The following CLEC16A variants were observed in gnomAD, a reference collection of about 807,000 sequenced individuals.
CLEC16A encodes the protein protein CLEC16A.
A neutral mutation model predicts 109.5 loss-of-function variants in CLEC16A; 51 were observed. That is an observed-to-expected ratio of 0.47 (90% CI 0.37 to 0.59). The LOEUF (loss-of-function observed/expected upper bound fraction) is 0.59. CLEC16A is among the 20% of genes least tolerant of loss of function. The pLI, the probability that CLEC16A is intolerant of heterozygous loss-of-function variation, is 0.00. For missense variants in CLEC16A, 1,339 were observed against 1,394.0 expected (o/e 0.96, Z 0.63); for synonymous variants, 673 against 564.2 (o/e 1.19, Z -2.73).
At chr16:11,158,358 T>C (rs2054607232) in intron 22 of CLEC16A, among the ~76,000 whole-genome samples, 1 of 152,230 alleles carries the variant, frequency 6.6e-6, no homozygotes, top group Non-Finnish European at 1.5e-5. Context: ...CACGGGTTGC[T>C]TCTCCCGAAT....
At chr16:11,069,461 G>C (rs915683854) in intron 19 of CLEC16A, among the ~76,000 whole-genome samples, 2 of 151,378 alleles carry the variant, frequency 1.3e-5, no homozygotes, top group Non-Finnish European at 2.9e-5. Flanking sequence ...TTTATACAAG[G>C]TCTCGCTCTG....
chr16:11,098,391 C>T (rs1210759381), intron 19 of CLEC16A, among the ~76,000 whole-genome samples: 1 of 152,238 alleles, frequency 6.6e-6, no homozygotes, highest in Non-Finnish European at 1.5e-5. Flanking sequence ...TTCTAAACTG[C>T]TACCAGGTAT....
At chr16:10,983,928 A>G (rs968364027) in intron 10 of CLEC16A, among the ~76,000 whole-genome samples, 2 of 148,050 alleles carry the variant, frequency 1.4e-5, no homozygotes, top group Non-Finnish European at 1.5e-5. Flanking sequence ...GGCTGCACAA[A>G]TGCTCATCTC....
chr16:11,020,239 C>T lies in CLEC16A; in HGVS notation c.1350C>T (p.Ala450=), dbSNP rs201881116. The change falls in exon 12 of 24, where the codon GCC becomes GCT. Residue 450 remains alanine (A), a synonymous_variant. Transcript: ENST00000409790. The part of the protein sequence containing the change: ...IMERSKLSEL[A]ASTSVQEQNT... The stretch of plus-strand genomic sequence containing the variant: ...AGCGTAGCAAGCTCTCAGAGCTGGC[C>T]GCCAGCACCTCCGTGCAGGAGCAGA... 1.9e-5 allele frequency: 31 copies of T among 1,613,624 alleles called. No homozygotes were observed. Among genetic ancestry groups the T allele is most frequent in the Admixed American group, 1.5e-4 (9 of 59,972 alleles).
At chr16:11,107,695 G>A (rs2051306435) in intron 19 of CLEC16A, among the ~76,000 whole-genome samples, 1 of 152,216 alleles carries the variant, frequency 6.6e-6, no homozygotes, top group African/African-American at 2.4e-5. Context: ...CCAGGGCCCA[G>A]TTCCTTGTCA....
intron 13 of CLEC16A, among the ~76,000 whole-genome samples, chr16:11,029,920 G>A (rs141554551): frequency 6.6e-6 from 1 of 152,192 alleles, no homozygotes; most frequent in African/African-American, 2.4e-5. Context: ...ACACCAGTCT[G>A]CTTCCTGTCA....
intron 19 of CLEC16A, among the ~76,000 whole-genome samples, chr16:11,068,343 T>C (rs1387733525): frequency 2.0e-5 from 3 of 152,230 alleles, no homozygotes; most frequent in Non-Finnish European, 4.4e-5. Context: ...TTTATGTTGC[T>C]AATGTTTTAA....
intron 22 of CLEC16A, among the ~76,000 whole-genome samples, chr16:11,139,569 G>C (rs1404023063): frequency 6.6e-6 from 1 of 152,188 alleles, no homozygotes; most frequent in African/African-American, 2.4e-5. Flanking sequence ...TGAAGCCTCA[G>C]AGTAATCACA....
intron 19 of CLEC16A, among the ~76,000 whole-genome samples, chr16:11,072,851 G>T (rs1567278842): frequency 6.6e-6 from 1 of 152,218 alleles, no homozygotes; most frequent in Non-Finnish European, 1.5e-5. Flanking sequence ...ACAAAGCACA[G>T]CCTCGTGACT....
At position 11,126,266 on chromosome 16, in the gene CLEC16A, G is replaced by A. The variant is rs75790312; in HGVS notation, c.2641+120G>A. On this transcript the variant is annotated intron_variant, in intron 22 of 23. Coordinates refer to ENST00000409790, the MANE Select transcript of CLEC16A (RefSeq NM_015226.3). Reference sequence around the variant, plus strand: ...CTCTCAGAAGCCCCGTCGGCTGGCAGCACCAGCTTCTTAGAATTTGTCAAA... The same window carrying A: ...CTCTCAGAAGCCCCGTCGGCTGGCAACACCAGCTTCTTAGAATTTGTCAAA... The A allele has an allele frequency of 6.7e-3, 10,358 of 1,554,810 alleles. 59 individuals are homozygous for A. Among genetic ancestry groups the A allele is most frequent in the Non-Finnish European group, 8.0e-3 (9,223 of 1,149,558 alleles).
At position 10,971,498 on chromosome 16, in the gene CLEC16A, T is replaced by A. The variant is rs936328780; in HGVS notation, c.598+268T>A. On this transcript the variant is annotated intron_variant, in intron 5 of 23. Transcript: ENST00000409790. ...TGAGAGGCACGTGTGGGATTCAGAGTGGCTATGTTTTAGAATTTGAGAAAG... is the reference window on the plus strand; with the variant it reads ...TGAGAGGCACGTGTGGGATTCAGAGAGGCTATGTTTTAGAATTTGAGAAAG... 3.1e-6 allele frequency: 3 copies of A among 967,234 alleles called. No individual in the cohort carries two copies. The African/African-American group carries it at 5.3e-5, about 17-fold the overall frequency. 59.9% of individuals were successfully genotyped at this position (967,234 alleles called of 1,614,324 possible). A position where few individuals can be genotyped will look rare whatever the true frequency, so the allele number is the denominator to read the frequency against.
At chr16:11,046,925 G>T (rs1459080845) in intron 16 of CLEC16A, among the ~76,000 whole-genome samples, 1 of 152,116 alleles carries the variant, frequency 6.6e-6, no homozygotes, top group African/African-American at 2.4e-5. Flanking sequence ...ACTTAAACAG[G>T]ATTGTCCATT....
chr16:11,009,707 A>G (rs940177057), intron 11 of CLEC16A, among the ~76,000 whole-genome samples: 9 of 152,248 alleles, frequency 5.9e-5, no homozygotes, highest in African/African-American at 2.2e-4. Flanking sequence ...TTAAGGGGGC[A>G]GTGCAAAGAA....
intron 22 of CLEC16A, among the ~76,000 whole-genome samples, chr16:11,138,629 G>A (rs565913279): frequency 7.9e-5 from 12 of 152,282 alleles, no homozygotes; most frequent in Admixed American, 5.9e-4. Flanking sequence ...GCTGGGGTGC[G>A]GCCTTCCTTA....
At chr16:11,090,873 T>G (rs2050266884) in intron 19 of CLEC16A, among the ~76,000 whole-genome samples, 1 of 150,470 alleles carries the variant, frequency 6.6e-6, no homozygotes, top group Admixed American at 6.6e-5. Flanking sequence ...TCTTGCCTTG[T>G]TGGCCAGGCT....
rs564780350 is a variant in CLEC16A, at chr16:11,174,814, A to G, written c.2807-3521A>G. ...GGAAGCCAAGAGCCATTTCCCTCAT[A>G]GACACATGGATGGATGTGGCCCCAC... is the stretch of plus-strand genomic sequence containing the variant. On this transcript the variant is annotated intron_variant, in intron 23 of 23. Coordinates refer to ENST00000409790, the MANE Select transcript of CLEC16A (RefSeq NM_015226.3). This position sits in a 1 kb window ranked among gnomAD's most constrained non-coding sequence, Gnocchi z 4.7. Among the ~76,000 whole-genome samples the G allele has an allele frequency of 1.3e-5, 2 of 152,338 alleles. No homozygotes were observed. The highest frequency in any genetic ancestry group is 4.1e-4 in the South Asian group (2 of 4,830).
chr16:11,040,437 C>G (rs929344251), intron 14 of CLEC16A: 1 of 152,898 alleles, frequency 6.5e-6, no homozygotes, highest in Non-Finnish European at 1.5e-5. Flanking sequence ...GAGCCGAGAC[C>G]ACCCAGTCCT....
At chr16:10,964,581 A>G (rs2042411488) in intron 3 of CLEC16A, among the ~76,000 whole-genome samples, 1 of 152,182 alleles carries the variant, frequency 6.6e-6, no homozygotes, top group African/African-American at 2.4e-5. Flanking sequence ...GGACATGGCC[A>G]TGGTGTCGGT....
chr16:11,088,078 G>A (rs1279785379), intron 19 of CLEC16A, among the ~76,000 whole-genome samples: 1 of 152,210 alleles, frequency 6.6e-6, no homozygotes, highest in Non-Finnish European at 1.5e-5. Context: ...TCAGCTGGGG[G>A]CTCTCTGTCT....
Sources: allele counts gnomAD v4.1 joint callset (sites outside exome capture counted in the v4.1 genomes callset), GRCh38; gene constraint gnomAD v4.1.1; non-coding constraint Gnocchi (gnomAD v3.1); transcripts MANE v1.5; gene names NCBI Gene and HGNC (gene_info 2026-07-23, HGNC 2026-07-21).